Variants in PTPRN2 observed in about 807,000 individuals in gnomAD.
PTPRN2 encodes the protein receptor-type tyrosine-protein phosphatase N2.
In PTPRN2, 74 loss-of-function variants were observed where a neutral mutation model predicts 118.8. That is an observed-to-expected ratio of 0.62 (90% CI 0.52 to 0.76). The LOEUF (loss-of-function observed/expected upper bound fraction) is 0.76. Ranked by LOEUF, PTPRN2 falls within the 30% of genes least tolerant of loss-of-function variation. The probability of loss-of-function intolerance (pLI) is 0.00; values close to 1 mark genes in which losing one functional copy is unlikely to be tolerated. For synonymous variants in PTPRN2, 641 were observed against 608.0 expected (o/e 1.05, Z -0.80); for missense variants, 1,481 against 1,394.4 (o/e 1.06, Z -0.99).
intron 21 of PTPRN2, among the ~76,000 whole-genome samples, chr7:157,549,317 C>CTTTTTTTTTTT (rs1265288004): frequency 7.8e-6 from 1 of 128,300 alleles, no homozygotes; most frequent in African/African-American, 2.9e-5. Context: ...TCTTTTCTTT[C>CTTTTTTTTTTT]TTTTCTTTTT....
In PTPRN2 at chr7:157,617,397, T is replaced by G. The variant is rs957386847; in HGVS notation, c.2344+3965A>C. 3 of 146,976 alleles carry G rather than the reference T, an allele frequency of 2.0e-5. No homozygotes were observed. Among genetic ancestry groups the G allele is most frequent in the African/African-American group, 7.7e-5 (3 of 39,070 alleles). The allele number at this position is 146,976 out of a possible 1,614,324, so 9.1% of individuals were successfully genotyped here. A position where few individuals can be genotyped will look rare whatever the true frequency, so the allele number is the denominator to read the frequency against. On this transcript the variant is annotated intron_variant, in intron 15 of 22. Coordinates refer to ENST00000389418, the MANE Select transcript of PTPRN2 (RefSeq NM_002847.5). The surrounding 1 kb of genome is among the most constrained non-coding windows in gnomAD (Gnocchi z 7.5). Reference sequence around the variant, plus strand: ...AGCGCAGAGCACGGGCGACGCTGGCTCACGATGCCCCAGTGATGCCGTGGT... The same window carrying G: ...AGCGCAGAGCACGGGCGACGCTGGCGCACGATGCCCCAGTGATGCCGTGGT...
In PTPRN2 at chr7:158,563,301, C is replaced by A. The variant is rs762158506; in HGVS notation, c.112+24257G>T. Among the ~76,000 whole-genome samples the A allele has an allele frequency of 2.0e-5, 3 of 152,182 alleles. No individual in the cohort carries two copies. The highest frequency in any genetic ancestry group is 6.5e-5 in the Admixed American group (1 of 15,284). The stretch of plus-strand genomic sequence containing the variant: ...TCCCCAGCATCAACTTCGCCAATAG[C>A]CTTGTGCTTCTCGTTCAAAGCAAGA... On this transcript the variant is annotated intron_variant, in intron 1 of 22. Coordinates refer to ENST00000389418, the MANE Select transcript of PTPRN2 (RefSeq NM_002847.5). This position sits in a 1 kb window ranked among gnomAD's most constrained non-coding sequence, Gnocchi z 5.1.
At chr7:158,207,673 T>C (rs547148936) in intron 3 of PTPRN2, among the ~76,000 whole-genome samples, 1 of 152,284 alleles carries the variant, frequency 6.6e-6, no homozygotes, top group South Asian at 2.1e-4. Flanking sequence ...CCAAGAAGGA[T>C]GAATACAAAC....
intron 12 of PTPRN2, among the ~76,000 whole-genome samples, chr7:157,714,778 T>G (rs868404884): frequency 6.6e-6 from 1 of 152,052 alleles, no homozygotes; most frequent in East Asian, 1.9e-4. Context: ...CAGTCCGACA[T>G]GCTTCTGAAA....
rs1368939890 is a variant in PTPRN2 at position 158,372,439 on chromosome 7, GTCCCCCCAATGCTGGTC to G, written c.164-55524_164-55508del. On this transcript the variant is annotated intron_variant, in intron 2 of 22. Transcript: ENST00000389418. ...CCCCCAACACTGGTCCCCGAAGCTG[GTCCCCCCAATGCTGGTC>G]CCTGGAGCTGATCCCCCCAATGCTG... is the stretch of plus-strand genomic sequence containing the variant. Among the ~76,000 whole-genome samples the G allele has an allele frequency of 8.7e-4, 125 of 143,442 alleles. 4 individuals are homozygous for G. Among genetic ancestry groups the G allele is most frequent in the African/African-American group, 3.1e-3 (120 of 38,186 alleles). 94.1% of individuals were successfully genotyped at this position (143,442 alleles called of 152,430 possible).
At chr7:157,818,372 CG>C in intron 12 of PTPRN2, among the ~76,000 whole-genome samples, 1 of 151,480 alleles carries the variant, frequency 6.6e-6, no homozygotes, top group African/African-American at 2.5e-5. Flanking sequence ...GGAAATGACA[CG>C]GGGGCTGTGT....
In PTPRN2 at chr7:157,898,696, T is replaced by G; in HGVS notation, c.1765A>C (p.Ile589Leu). 1 of 1,607,310 alleles carries G rather than the reference T, an allele frequency of 6.2e-7. No homozygotes were observed. Among genetic ancestry groups the G allele is most frequent in the Non-Finnish European group, 8.5e-7 (1 of 1,173,780 alleles). Residue 589 changes from isoleucine (I) to leucine (L), a missense_variant, in exon 12 of 23, where the codon ATT becomes CTT. Around this residue, in one of 3 missense-constraint regions of PTPRN2, gnomAD observed 1,115 missense variants for 994.2 expected, o/e 1.12. Transcript: ENST00000389418. ...DKLEETSGLK[I>L]LQTGVGSKSK... ...ACCGACCCGACTCCGGTTTGAAGAA[T>G]TTTCAGTCCAGAGGTTTCCTCCAGT...
At chr7:157,909,310 G>C (rs1335274120) in intron 11 of PTPRN2, among the ~76,000 whole-genome samples, 1 of 152,164 alleles carries the variant, frequency 6.6e-6, no homozygotes, top group Non-Finnish European at 1.5e-5. Context: ...TAAATGTCCA[G>C]AAGCCCAGCA....
rs9647690 is a variant in PTPRN2 at position 157,784,321 on chromosome 7, G to C, written c.1789-101384C>G. The stretch of plus-strand genomic sequence containing the variant: ...GGGGTCTCAGCATCTGCACAGTGAC[G>C]GATTAGGGGGGCGGTTCAGCAGCCC... On this transcript the variant is annotated intron_variant, in intron 12 of 22. Transcript: ENST00000389418. This position sits in a 1 kb window ranked among gnomAD's most constrained non-coding sequence, Gnocchi z 4.6. Among the ~76,000 whole-genome samples the C allele has an allele frequency of 0.11, 16,779 of 152,142 alleles. 982 individuals are homozygous for C. Among genetic ancestry groups the C allele is most frequent in the Middle Eastern group, 0.14 (41 of 292 alleles).
At position 158,282,954 on chromosome 7, in the gene PTPRN2, C is replaced by T. The variant is rs141601892; in HGVS notation, c.277+33865G>A. 1.8e-3 allele frequency among the ~76,000 whole-genome samples: 277 copies of T among 151,580 alleles called. 1 individual carries two copies. Among genetic ancestry groups the T allele is most frequent in the Admixed American group, 4.7e-3 (71 of 15,222 alleles). ...AGACGGTGGTCCCTCCTCGTGCTCCCACGCAGCAGCAGGACATAGACGGCT... is the reference window on the plus strand; with the variant it reads ...AGACGGTGGTCCCTCCTCGTGCTCCTACGCAGCAGCAGGACATAGACGGCT... On this transcript the variant is annotated intron_variant, in intron 3 of 22. Transcript: ENST00000389418.
intron 13 of PTPRN2, among the ~76,000 whole-genome samples, chr7:157,661,504 T>C (rs1795889701): frequency 6.6e-6 from 1 of 152,230 alleles, no homozygotes; most frequent in African/African-American, 2.4e-5. Context: ...GCTGCTCCGC[T>C]CTGAACCCAC....
chr7:158,065,091 G>A (rs79245881), intron 11 of PTPRN2, among the ~76,000 whole-genome samples: 4,219 of 152,358 alleles, frequency 0.028, 79 homozygotes, highest in East Asian at 0.076. Flanking sequence ...AGCTAAGCAG[G>A]TGAGCACAAA....
At chr7:157,847,044 TAC>T (rs1355520757) in intron 12 of PTPRN2, among the ~76,000 whole-genome samples, 10 of 149,860 alleles carry the variant, frequency 6.7e-5, no homozygotes, top group African/African-American at 2.5e-4. Context: ...GGCCGATGTT[TAC>T]AGAGCCCTCT....
chr7:158,053,486 C>T (rs781021639), intron 11 of PTPRN2, among the ~76,000 whole-genome samples: 3 of 152,138 alleles, frequency 2.0e-5, no homozygotes, highest in Non-Finnish European at 4.4e-5. Context: ...GAATTCAGAA[C>T]CAGCTTTAGC....
intron 3 of PTPRN2, among the ~76,000 whole-genome samples, chr7:158,312,281 CG>C (rs1801869348): frequency 1.7e-5 from 2 of 118,556 alleles, no homozygotes; most frequent in African/African-American, 3.0e-5. Context: ...CATGTAGACA[CG>C]CACACATGCA....
intron 3 of PTPRN2, among the ~76,000 whole-genome samples, chr7:158,240,845 G>T (rs1376984691): frequency 6.6e-6 from 1 of 152,240 alleles, no homozygotes; most frequent in East Asian, 1.9e-4. Flanking sequence ...AAACATCATT[G>T]AATAATTGAG....
At position 157,603,806 on chromosome 7, in the gene PTPRN2, C is replaced by T. The variant is rs1655124997; in HGVS notation, c.2418+196G>A. 6.6e-6 allele frequency among the ~76,000 whole-genome samples: 1 copy of T among 152,216 alleles called. No homozygotes were observed. Among genetic ancestry groups the T allele is most frequent in the African/African-American group, 2.4e-5 (1 of 41,454 alleles). ...ACCGCCCAGCGTGAGCCGGGACCCA[C>T]ACGGCTCATAAACAGCCCCGCTGGT... On this transcript the variant is annotated intron_variant, in intron 16 of 22. Coordinates refer to ENST00000389418, the MANE Select transcript of PTPRN2 (RefSeq NM_002847.5). This position sits in a 1 kb window ranked among gnomAD's most constrained non-coding sequence, Gnocchi z 5.4.
At chr7:158,242,365 G>A (rs1795951506) in intron 3 of PTPRN2, among the ~76,000 whole-genome samples, 1 of 152,200 alleles carries the variant, frequency 6.6e-6, no homozygotes, top group Non-Finnish European at 1.5e-5. Context: ...TCTGCAAAGT[G>A]GAGAGATTCA....
chr7:158,453,002 G>A (rs1182704773), intron 2 of PTPRN2, among the ~76,000 whole-genome samples: 1 of 152,266 alleles, frequency 6.6e-6, no homozygotes, highest in Non-Finnish European at 1.5e-5. Flanking sequence ...CAGCTGCAGG[G>A]CTGGGCATGA....
Sources: gnomAD v4.1 joint callset for allele counts (sites outside exome capture counted in the v4.1 genomes callset) on GRCh38, gnomAD v4.1.1 for gene constraint, gnomAD v4.1.1 regional missense constraint, Gnocchi (gnomAD v3.1) non-coding constraint, MANE v1.5 for transcripts, NCBI Gene and HGNC (gene_info 2026-07-23, HGNC 2026-07-21) for gene names.